The following PLXNC1 variants were observed in gnomAD, a reference collection of about 807,000 sequenced individuals.
PLXNC1 encodes plexin-C1.
A neutral mutation model predicts 178.2 loss-of-function variants in PLXNC1; 75 were observed. The observed-to-expected ratio is 0.42, with a 90% CI of 0.35 to 0.51. The LOEUF is 0.51. Ranked by LOEUF, PLXNC1 falls within the 20% of genes least tolerant of loss-of-function variation. The pLI, the probability that PLXNC1 is intolerant of heterozygous loss-of-function variation, is 0.02. For synonymous variants in PLXNC1, 790 were observed against 779.9 expected (o/e 1.01, Z -0.22); for missense variants, 1,503 against 1,984.4 (o/e 0.76, Z 4.61).
At chr12:94,175,895 G>A (rs921252272) in intron 2 of PLXNC1, among the ~76,000 whole-genome samples, 2 of 152,214 alleles carry the variant, frequency 1.3e-5, no homozygotes, top group African/African-American at 4.8e-5. Context: ...GTGCTATGAA[G>A]AAAATACAGT....
At chr12:94,280,805 A>G (rs548173694) in intron 22 of PLXNC1, among the ~76,000 whole-genome samples, 1 of 152,312 alleles carries the variant, frequency 6.6e-6, no homozygotes, top group African/African-American at 2.4e-5. Context: ...GCCGCTGATG[A>G]GTAGGTAGTA....
At position 94,243,974 on chromosome 12, in the gene PLXNC1, T is replaced by C; in HGVS notation, c.2337T>C (p.Phe779=). 4 of 1,600,898 alleles carry C rather than the reference T, an allele frequency of 2.5e-6. No homozygotes were observed. Among genetic ancestry groups the C allele is most frequent in the Non-Finnish European group, 3.4e-6 (4 of 1,169,256 alleles). Residue 779 remains phenylalanine, a synonymous_variant, in exon 12 of 31, where the codon TTT becomes TTC. Transcript: ENST00000258526. The part of the protein sequence containing the change: ...GQNITMMGRN[F]DVIDNLIISH... ...ATATAACCATGATGGGCAGAAATTT[T>C]GATGTAATTGACAACTTAATCATTT...
At chr12:94,268,146 C>G (rs977901860) in intron 21 of PLXNC1, among the ~76,000 whole-genome samples, 7 of 152,178 alleles carry the variant, frequency 4.6e-5, no homozygotes, top group African/African-American at 1.7e-4. Context: ...CAGCTAAATG[C>G]TCAGAAGCAC....
At chr12:94,182,661 T>G (rs1480849419) in intron 3 of PLXNC1, among the ~76,000 whole-genome samples, 2 of 149,564 alleles carry the variant, frequency 1.3e-5, no homozygotes, top group Admixed American at 6.7e-5. Context: ...GGAGGTGGAG[T>G]TTGCAGTGAG....
chr12:94,156,885 T>G lies in PLXNC1; in HGVS notation c.1062+6852T>G, dbSNP rs149341834. Among the ~76,000 whole-genome samples, 149 of 152,094 alleles carry G rather than the reference T, an allele frequency of 9.8e-4. No individual in the cohort carries two copies. In the East Asian group the frequency reaches 0.017, roughly 17 times the overall value. On this transcript the variant is annotated intron_variant, in intron 1 of 30. Transcript: ENST00000258526. ...ACCATGCCAGGCTGATTTTTTTTAT[T>G]TTTATTTTTGGTAAAGATGAGGTCT...
At chr12:94,150,548 C>T (rs555454150) in intron 1 of PLXNC1, among the ~76,000 whole-genome samples, 6 of 152,352 alleles carry the variant, frequency 3.9e-5, no homozygotes, top group South Asian at 4.1e-4. Context: ...CTCCGCCCCC[C>T]ACCGGCAACG....
chr12:94,228,298 G>A (rs1209497628), intron 9 of PLXNC1, among the ~76,000 whole-genome samples: 1 of 152,172 alleles, frequency 6.6e-6, no homozygotes, highest in African/African-American at 2.4e-5. Context: ...CCATTGGTTT[G>A]GAAAACTAAG....
chr12:94,287,947 G>T (rs959070889), intron 23 of PLXNC1, among the ~76,000 whole-genome samples: 1 of 152,230 alleles, frequency 6.6e-6, no homozygotes, highest in African/African-American at 2.4e-5. Context: ...GGCCCAGGGA[G>T]GCTAAGAAAC....
Position 94,259,660 on chromosome 12 carries a change from A to C in PLXNC1, c.3177A>C (p.Leu1059=). 1 of 1,612,516 alleles carries C rather than the reference A, an allele frequency of 6.2e-7. No individual in the cohort carries two copies. The highest frequency in any genetic ancestry group is 1.1e-5 in the South Asian group (1 of 90,916). The change falls in exon 19 of 31, where the codon CTA becomes CTC. Residue 1059 remains leucine, a synonymous_variant. Coordinates refer to ENST00000258526, the MANE Select transcript of PLXNC1 (RefSeq NM_005761.3). The part of the protein sequence containing the change: ...KNESLTALDA[L]ICNKSFLVTV... The stretch of plus-strand genomic sequence containing the variant: ...AAAGTCTCACAGCTTTGGATGCCCT[A>C]ATCTGTAATAAAAGCTTTCTTGTTA...
At chr12:94,292,446 C>T (rs1473902854) in intron 23 of PLXNC1, among the ~76,000 whole-genome samples, 2 of 152,122 alleles carry the variant, frequency 1.3e-5, no homozygotes, top group East Asian at 1.9e-4. Flanking sequence ...AAGCATGTCC[C>T]ACATTATGCT....
At chr12:94,177,386 G>T (rs1240621744) in intron 2 of PLXNC1, among the ~76,000 whole-genome samples, 1 of 150,856 alleles carries the variant, frequency 6.6e-6, no homozygotes, top group Non-Finnish European at 1.5e-5. Flanking sequence ...CAGCATCTAT[G>T]GCTATCAGGA....
At chr12:94,272,457 C>T (rs188668206) in intron 21 of PLXNC1, 1 of 152,236 alleles carries the variant, frequency 6.6e-6, no homozygotes, top group Non-Finnish European at 1.5e-5. Flanking sequence ...ATGTCATCGG[C>T]CAGGACTTAG....
intron 23 of PLXNC1, 138 bp downstream of exon 23, chr12:94,282,539 C>G: frequency 3.2e-6 from 2 of 625,016 alleles, no homozygotes; most frequent in South Asian, 2.0e-5. Flanking sequence ...CTGAAGTTTT[C>G]TTTCGTTGCT....
At chr12:94,211,833 C>A (rs1963477014) in intron 5 of PLXNC1, among the ~76,000 whole-genome samples, 1 of 152,116 alleles carries the variant, frequency 6.6e-6, no homozygotes, top group South Asian at 2.1e-4. Context: ...TCAAAAAATG[C>A]CCCTGTATAT....
chr12:94,303,712 T>TTAA, intron 28 of PLXNC1, 44 bp from the exon 29 acceptor site: 1 of 1,102,548 alleles, frequency 9.1e-7, no homozygotes, highest in Non-Finnish European at 1.2e-6. Flanking sequence ...TTTTTTTTTT[T>TTAA]ACTCTTTTGG....
At chr12:94,200,300 T>C (rs1259803288) in intron 4 of PLXNC1, among the ~76,000 whole-genome samples, 1 of 152,234 alleles carries the variant, frequency 6.6e-6, no homozygotes, top group Non-Finnish European at 1.5e-5. Context: ...TAAGAATGTA[T>C]TGATTGGCCT....
At position 94,258,645 on chromosome 12, in the gene PLXNC1, G is replaced by C. The variant is rs1033833416; in HGVS notation, c.3088-692G>C. ...AGTGGGGTGATAGCATTGTGGTCTA[G>C]TTTGCTATAAATTAGGAATAAAACC... is the stretch of plus-strand genomic sequence containing the variant. On this transcript the variant is annotated intron_variant, in intron 17 of 30. Coordinates refer to ENST00000258526, the MANE Select transcript of PLXNC1 (RefSeq NM_005761.3). Among the ~76,000 whole-genome samples, 3 of 152,160 alleles carry C rather than the reference G, an allele frequency of 2.0e-5. No homozygotes were observed. The South Asian group carries it at 6.2e-4, about 32-fold the overall frequency.
chr12:94,197,251 G>A (rs1320211470), intron 4 of PLXNC1, among the ~76,000 whole-genome samples: 1 of 152,160 alleles, frequency 6.6e-6, no homozygotes, highest in Non-Finnish European at 1.5e-5. Flanking sequence ...CAAAGTTCAT[G>A]TATTGGACAC....
At position 94,248,518 on chromosome 12, in the gene PLXNC1, C is replaced by T. The variant is rs1964592709; in HGVS notation, c.2778+106C>T. 6.8e-6 allele frequency: 6 copies of T among 885,088 alleles called. No individual in the cohort carries two copies. The South Asian group carries it at 8.8e-5, about 13-fold the overall frequency. 54.8% of individuals were successfully genotyped at this position (885,088 alleles called of 1,614,324 possible). A position where few individuals can be genotyped will look rare whatever the true frequency, so the allele number is the denominator to read the frequency against. On this transcript the variant is annotated intron_variant, in intron 14 of 30. Coordinates refer to ENST00000258526, the MANE Select transcript of PLXNC1 (RefSeq NM_005761.3). ...AATCTTTCATGGATCTTCAGATCCT[C>T]ACTTTAAATAGAAGATAAACAAAGC...
Sources: gnomAD v4.1 joint callset for allele counts (sites outside exome capture counted in the v4.1 genomes callset) on GRCh38, gnomAD v4.1.1 for gene constraint, MANE v1.5 for transcripts, NCBI Gene and HGNC (gene_info 2026-07-23, HGNC 2026-07-21) for gene names.